The following AAMDC variants were observed in gnomAD, a reference collection of about 807,000 sequenced individuals.
AAMDC encodes mth938 domain-containing protein.
A neutral mutation model predicts 15.5 loss-of-function variants in AAMDC; 16 were observed. The ratio of observed to expected loss-of-function variants is 1.03; its 90% CI spans 0.70 to 1.57. The LOEUF is 1.57. Ranked by LOEUF, AAMDC falls within the 40% of genes most tolerant of loss-of-function variation. The pLI, the probability that AAMDC is intolerant of heterozygous loss-of-function variation, is 0.00. For synonymous variants in AAMDC, 51 were observed against 51.6 expected (o/e 0.99, Z 0.05); for missense variants, 141 against 144.9 (o/e 0.97, Z 0.14).
chr11:77,841,402 C>T (rs1949925596), intron 1 of AAMDC: 1 of 591,474 alleles, frequency 1.7e-6, no homozygotes, highest in Admixed American at 2.9e-5. Flanking sequence ...AACCCAGTTT[C>T]CCAAGATTCT....
At chr11:77,893,924 T>TAAATAAATA (rs1565227931) in intron 5 of AAMDC, among the ~76,000 whole-genome samples, 5 of 150,714 alleles carry the variant, frequency 3.3e-5, no homozygotes, top group Non-Finnish European at 3.0e-5. Flanking sequence ...AATAAATAAA[T>TAAATAAATA]AAGAATGGTG....
rs758721614 is a variant in AAMDC, at chr11:77,869,721, G to A, written c.133-1G>A. The A allele has an allele frequency of 4.3e-6, 7 of 1,613,296 alleles. No individual in the cohort carries two copies. Among genetic ancestry groups the A allele is most frequent in the Admixed American group, 1.7e-5 (1 of 59,976 alleles). On this transcript the variant is annotated splice_acceptor_variant, in intron 2 of 3. Coordinates refer to ENST00000393427, the MANE Select transcript of AAMDC (RefSeq NM_024684.4). LOFTEE classifies it high-confidence loss of function. Reference sequence around the variant, plus strand: ...TGTCTACTTTCTCTTTCCACATCCAGCATTCTCCTGGTGTGCAGCCTGCAG... The same window carrying A: ...TGTCTACTTTCTCTTTCCACATCCAACATTCTCCTGGTGTGCAGCCTGCAG...
intron 5 of AAMDC, among the ~76,000 whole-genome samples, chr11:77,882,908 TA>T (rs1330629434): frequency 1.3e-5 from 2 of 151,914 alleles, no homozygotes; most frequent in African/African-American, 4.8e-5. Context: ...CTGTCTCTAC[TA>T]AAATACAAAA....
intron 1 of AAMDC, among the ~76,000 whole-genome samples, chr11:77,837,443 TTTTGTTTG>T (rs370882837): frequency 6.7e-5 from 10 of 150,234 alleles, no homozygotes; most frequent in Admixed American, 2.0e-4. Context: ...TCCCTTTGGT[TTTTGTTTG>T]TTTGTTTGTT....
intron 5 of AAMDC, among the ~76,000 whole-genome samples, chr11:77,885,893 T>C (rs1042661194): frequency 6.6e-6 from 1 of 151,780 alleles, no homozygotes; most frequent in African/African-American, 2.4e-5. Context: ...GAAAAACAAA[T>C]GAACAGGGGC....
At chr11:77,879,149 T>G (rs1565218218) in intron 5 of AAMDC, 9 of 1,613,070 alleles carry the variant, frequency 5.6e-6, no homozygotes, top group Non-Finnish European at 7.6e-6. Context: ...ATAAAAGAAA[T>G]CCTCTATAAC....
intron 2 of AAMDC, among the ~76,000 whole-genome samples, chr11:77,845,826 A>G (rs1270876218): frequency 1.3e-5 from 2 of 152,124 alleles, no homozygotes; most frequent in African/African-American, 4.8e-5. Flanking sequence ...TCTTTTGAAC[A>G]TGGTTTCCTT....
intron 5 of AAMDC, among the ~76,000 whole-genome samples, chr11:77,888,616 C>T (rs1474463487): frequency 6.6e-6 from 1 of 152,274 alleles, no homozygotes; most frequent in African/African-American, 2.4e-5. Flanking sequence ...GCAAAAGAAA[C>T]TACCATCAGA....
intron 1 of AAMDC, among the ~76,000 whole-genome samples, chr11:77,837,260 C>T (rs549704183): frequency 2.7e-4 from 41 of 151,532 alleles, no homozygotes; most frequent in African/African-American, 8.7e-4. Context: ...CTCAGTCTAC[C>T]GAGTAGCTGG....
downstream of AAMDC, chr11:77,877,192 G>T (rs1951622790): frequency 8.7e-6 from 5 of 571,766 alleles, no homozygotes; most frequent in South Asian, 9.0e-5. Context: ...CCTAGGACAG[G>T]TTACTTATTT....
chr11:77,883,865 T>C, intron 5 of AAMDC: 1 of 1,612,722 alleles, frequency 6.2e-7, no homozygotes, highest in Non-Finnish European at 8.5e-7. Context: ...TAAACCTGAG[T>C]GATGAGCCGG....
chr11:77,860,672 A>C (rs963849926), intron 2 of AAMDC, among the ~76,000 whole-genome samples: 1 of 152,182 alleles, frequency 6.6e-6, no homozygotes, highest in African/African-American at 2.4e-5. Flanking sequence ...CTGTCCCTGA[A>C]CCCTTGGGGT....
At chr11:77,891,477 A>T in intron 5 of AAMDC, 3 of 1,613,336 alleles carry the variant, frequency 1.9e-6, no homozygotes, top group Non-Finnish European at 2.5e-6. Context: ...AAGCAAGAGG[A>T]AAATCCTATG....
At chr11:77,873,502 C>CTCTT (rs1951512999), downstream of AAMDC, among the ~76,000 whole-genome samples, 3 of 152,202 alleles carry the variant, frequency 2.0e-5, no homozygotes, top group South Asian at 6.2e-4. Flanking sequence ...TTCAGTAATT[C>CTCTT]TCTTTCATAT....
intron 1 of AAMDC, among the ~76,000 whole-genome samples, chr11:77,821,504 A>T (rs746232582): frequency 1.3e-4 from 20 of 151,986 alleles, no homozygotes; most frequent in Non-Finnish European, 2.5e-4. Flanking sequence ...ATCTGAGGGA[A>T]CGGAACTCTG....
intron 5 of AAMDC, among the ~76,000 whole-genome samples, chr11:77,888,421 A>T (rs1347671616): frequency 7.2e-5 from 11 of 152,238 alleles, no homozygotes; most frequent in Non-Finnish European, 1.5e-5. Flanking sequence ...ACAAAAATTA[A>T]TTCAAGATGG....
downstream of AAMDC, among the ~76,000 whole-genome samples, chr11:77,904,754 A>G (rs751224294): frequency 6.6e-6 from 1 of 152,258 alleles, no homozygotes; most frequent in Non-Finnish European, 1.5e-5. Context: ...CCCAAAACAT[A>G]CAATCCCAAA....
At chr11:77,863,704 G>A (rs1181782157) in intron 2 of AAMDC, among the ~76,000 whole-genome samples, 5 of 151,814 alleles carry the variant, frequency 3.3e-5, no homozygotes, top group East Asian at 3.9e-4. Context: ...TTTATGAGAC[G>A]AAGTCTCACT....
intron 5 of AAMDC, among the ~76,000 whole-genome samples, chr11:77,885,661 A>T (rs1177902620): frequency 6.6e-6 from 1 of 151,960 alleles, no homozygotes; most frequent in Non-Finnish European, 1.5e-5. Flanking sequence ...TCTACTAAAA[A>T]TACAAAAATT....
Sources: allele counts gnomAD v4.1 joint callset (sites outside exome capture counted in the v4.1 genomes callset), GRCh38; gene constraint gnomAD v4.1.1; transcripts MANE v1.5; gene names NCBI Gene and HGNC (gene_info 2026-07-23, HGNC 2026-07-21).